Variants in AGAP1 observed in about 807,000 individuals in gnomAD.
AGAP1 encodes the protein ArfGAP with GTPase domain, ankyrin repeat and PH domain 1.
AGAP1 carries 29 observed loss-of-function variants against 105.3 expected under a neutral mutation model. The observed-to-expected ratio is 0.28, with a 90% confidence interval of 0.21 to 0.38. The LOEUF (loss-of-function observed/expected upper bound fraction) is 0.38, where lower values mean the gene tolerates loss of function less well. Among genes scored for constraint, AGAP1 ranks in the 10% least tolerant of loss-of-function variants. The pLI, the probability that AGAP1 is intolerant of heterozygous loss-of-function variation, is 1.00. For missense variants in AGAP1, 998 were observed against 1,165.1 expected, an observed-to-expected ratio of 0.86 and a Z score of 2.09; for synonymous variants, 509 against 485.9, an observed-to-expected ratio of 1.05 and a Z score of -0.63.
At chr2:235,562,185 CCT>C (rs1252423585) in intron 1 of AGAP1, among the ~76,000 whole-genome samples, 2 of 152,168 alleles carry the variant, frequency 1.3e-5, no homozygotes, top group African/African-American at 4.8e-5. Context: ...TTCCTTGATT[CCT>C]CTGTTACATT....
chr2:236,075,502 G>C (rs2058613203), intron 16 of AGAP1, among the ~76,000 whole-genome samples: 2 of 152,088 alleles, frequency 1.3e-5, no homozygotes, highest in Non-Finnish European at 2.9e-5. Flanking sequence ...TCTGGCCTTG[G>C]GTGAGGATCA....
At chr2:235,986,503 A>C (rs1427259088) in intron 13 of AGAP1, among the ~76,000 whole-genome samples, 1 of 152,124 alleles carries the variant, frequency 6.6e-6, no homozygotes, top group Non-Finnish European at 1.5e-5. Flanking sequence ...AAATTCCATT[A>C]CTATGTTGAA....
chr2:235,600,906 C>A lies in AGAP1; in HGVS notation c.163+106057C>A, dbSNP rs1350943358. ...CACTCAGTATTAACCAGCATACCCA[C>A]CATTGTTTCACCTGCAGCCTCCCCC... On this transcript the variant is annotated intron_variant, in intron 1 of 17. Transcript: ENST00000304032. This position sits in a 1 kb window ranked among gnomAD's most constrained non-coding sequence, Gnocchi z 4.8. Among the ~76,000 whole-genome samples, 1 of 152,220 alleles carries A rather than the reference C, an allele frequency of 6.6e-6. No homozygotes were observed. The highest frequency in any genetic ancestry group is 1.5e-5 in the Non-Finnish European group (1 of 68,046).
rs2054167069 is a variant in AGAP1 at position 235,961,133 on chromosome 2, A to G, written c.1484-7329A>G. Among the ~76,000 whole-genome samples the G allele has an allele frequency of 6.6e-6, 1 of 152,226 alleles. No individual in the cohort carries two copies. Among genetic ancestry groups the G allele is most frequent in the Admixed American group, 6.5e-5 (1 of 15,288 alleles). Reference sequence around the variant, plus strand: ...GCCTTCCTGAAGCTCGAGCGCTCATAGGGAAGATGTTCCGTAAACAAAGAA... The same window carrying G: ...GCCTTCCTGAAGCTCGAGCGCTCATGGGGAAGATGTTCCGTAAACAAAGAA... On this transcript the variant is annotated intron_variant, in intron 12 of 17. Transcript: ENST00000304032. This position sits in a 1 kb window ranked among gnomAD's most constrained non-coding sequence, Gnocchi z 5.9.
At chr2:235,708,302 C>G (rs561755597) in intron 1 of AGAP1, among the ~76,000 whole-genome samples, 1 of 152,160 alleles carries the variant, frequency 6.6e-6, no homozygotes, top group Non-Finnish European at 1.5e-5. Flanking sequence ...ATGTGTTGCC[C>G]GAGCTGCCAT....
chr2:235,696,919 G>A (rs1368978709), intron 1 of AGAP1, among the ~76,000 whole-genome samples: 1 of 152,098 alleles, frequency 6.6e-6, no homozygotes, highest in African/African-American at 2.4e-5. Context: ...GGGAGTCAGA[G>A]GTTGCAGTGA....
Position 235,882,542 on chromosome 2 carries a change from A to C in AGAP1, c.1051-803A>C, listed in dbSNP as rs994265734. 4 of 973,862 alleles carry C rather than the reference A, an allele frequency of 4.1e-6. No individual in the cohort carries two copies. In the African/African-American group the frequency reaches 6.5e-5, roughly 16 times the overall value. 60.3% of individuals were successfully genotyped at this position (973,862 alleles called of 1,614,324 possible). ...CCGTGGCGGGCTCTTAGCTCACTGC[A>C]ACACTCTGCCTCCTGGGTTCAAGCA... On this transcript the variant is annotated intron_variant, in intron 9 of 17. Coordinates refer to ENST00000304032, the MANE Select transcript of AGAP1 (RefSeq NM_001037131.3). This position sits in a 1 kb window ranked among gnomAD's most constrained non-coding sequence, Gnocchi z 4.6.
chr2:235,702,403 G>A (rs1268216325), intron 1 of AGAP1, among the ~76,000 whole-genome samples: 1 of 152,338 alleles, frequency 6.6e-6, no homozygotes, highest in East Asian at 1.9e-4. Flanking sequence ...CCGCTGGACA[G>A]GAGCTGCCTT....
intron 12 of AGAP1, among the ~76,000 whole-genome samples, chr2:235,939,785 C>A (rs1045186274): frequency 1.3e-5 from 2 of 152,176 alleles, no homozygotes; most frequent in African/African-American, 4.8e-5. Context: ...CAGGTTTTTC[C>A]TGCTGCTCTC....
rs1959225104 is a variant in AGAP1 at position 235,830,497 on chromosome 2, C to G, written c.1050+23166C>G. On this transcript the variant is annotated intron_variant, in intron 9 of 17. Transcript: ENST00000304032. The surrounding 1 kb of genome is among the most constrained non-coding windows in gnomAD (Gnocchi z 5.5). ...CATTAAACATCCCATCAGAAAGCCT[C>G]TGATAGAGGGTGCCCTCTCATCAGG... Among the ~76,000 whole-genome samples the G allele has an allele frequency of 1.3e-5, 2 of 152,156 alleles. No homozygotes were observed. The highest frequency in any genetic ancestry group is 6.5e-5 in the Admixed American group (1 of 15,282).
At position 235,981,567 on chromosome 2, in the gene AGAP1, A is replaced by G. The variant is rs772611905; in HGVS notation, c.1645+12944A>G. ...GATGCCTCTTTCAAAGAGGAAATCA[A>G]TCACGAAACAGAAACTCAGAGTTGA... is the stretch of plus-strand genomic sequence containing the variant. On this transcript the variant is annotated intron_variant, in intron 13 of 17. Coordinates refer to ENST00000304032, the MANE Select transcript of AGAP1 (RefSeq NM_001037131.3). The surrounding 1 kb of genome is among the most constrained non-coding windows in gnomAD (Gnocchi z 5.5). Among the ~76,000 whole-genome samples, 1 of 152,204 alleles carries G rather than the reference A, an allele frequency of 6.6e-6. No homozygotes were observed. Among genetic ancestry groups the G allele is most frequent in the African/African-American group, 2.4e-5 (1 of 41,454 alleles).
chr2:235,600,056 T>A lies in AGAP1; in HGVS notation c.163+105207T>A, dbSNP rs1945677334. 1.3e-5 allele frequency among the ~76,000 whole-genome samples: 2 copies of A among 152,182 alleles called. No individual in the cohort carries two copies. Among genetic ancestry groups the A allele is most frequent in the Non-Finnish European group, 2.9e-5 (2 of 68,028 alleles). Reference sequence around the variant, plus strand: ...TCAGGGTGTCAACTTCAGGGGAATATAAACAGCCTCCAGGGAGCCCCTCTC... The same window carrying A: ...TCAGGGTGTCAACTTCAGGGGAATAAAAACAGCCTCCAGGGAGCCCCTCTC... On this transcript the variant is annotated intron_variant, in intron 1 of 17. Transcript: ENST00000304032. This position sits in a 1 kb window ranked among gnomAD's most constrained non-coding sequence, Gnocchi z 4.8.
rs916276259 is a variant in AGAP1 at position 235,614,688 on chromosome 2, G to A, written c.164-94491G>A. ...TGGGGTGTGCCAGGCTCAGGGGCAG[G>A]GCCCTTTTTCCACACGCTTAGGGAA... On this transcript the variant is annotated intron_variant, in intron 1 of 17. Coordinates refer to ENST00000304032, the MANE Select transcript of AGAP1 (RefSeq NM_001037131.3). The surrounding 1 kb of genome is among the most constrained non-coding windows in gnomAD (Gnocchi z 4.7). Among the ~76,000 whole-genome samples the A allele has an allele frequency of 2.0e-5, 3 of 152,142 alleles. No individual in the cohort carries two copies. The highest frequency in any genetic ancestry group is 4.4e-5 in the Non-Finnish European group (3 of 68,032).
rs544963749 is a variant in AGAP1 at position 235,582,934 on chromosome 2, C to A, written c.163+88085C>A. ...AATCGGGAGGAAGCTTGTAAGGCTG[C>A]TTTCCACTCATTTTATGTTGTTGGG... On this transcript the variant is annotated intron_variant, in intron 1 of 17. Transcript: ENST00000304032. This position sits in a 1 kb window ranked among gnomAD's most constrained non-coding sequence, Gnocchi z 4.7. Among the ~76,000 whole-genome samples the A allele has an allele frequency of 2.6e-5, 4 of 152,358 alleles. No individual in the cohort carries two copies. The highest frequency in any genetic ancestry group is 2.6e-4 in the Admixed American group (4 of 15,306).
At position 235,936,270 on chromosome 2, in the gene AGAP1, C is replaced by T. The variant is rs2052983528; in HGVS notation, c.1483+5347C>T. Among the ~76,000 whole-genome samples the T allele has an allele frequency of 1.3e-5, 2 of 152,204 alleles. No individual in the cohort carries two copies. Among genetic ancestry groups the T allele is most frequent in the Admixed American group, 1.3e-4 (2 of 15,288 alleles). On this transcript the variant is annotated intron_variant, in intron 12 of 17. Transcript: ENST00000304032. This position sits in a 1 kb window ranked among gnomAD's most constrained non-coding sequence, Gnocchi z 4.7. ...CACCATCGAGCACAAACACCATGTC[C>T]ATCTTCCACATGGAAGGAGTGTATC...
intron 9 of AGAP1, among the ~76,000 whole-genome samples, chr2:235,847,163 G>A (rs1314856074): frequency 1.3e-5 from 2 of 152,316 alleles, no homozygotes; most frequent in African/African-American, 2.4e-5. Context: ...TTTAGGTTTC[G>A]AGAATGGGTG....
chr2:235,886,512 C>CT (rs901050233), intron 10 of AGAP1, among the ~76,000 whole-genome samples: 19 of 152,166 alleles, frequency 1.2e-4, no homozygotes, highest in African/African-American at 3.6e-4. Flanking sequence ...TATCCACAGG[C>CT]TTTTTTTTGT....
intron 1 of AGAP1, among the ~76,000 whole-genome samples, chr2:235,634,308 T>C (rs1575007244): frequency 6.6e-6 from 1 of 152,230 alleles, no homozygotes; most frequent in Non-Finnish European, 1.5e-5. Flanking sequence ...CATCGACACA[T>C]CCTTTGGAGT....
rs1274986612 is a variant in AGAP1 at position 235,566,253 on chromosome 2, G to A, written c.163+71404G>A. On this transcript the variant is annotated intron_variant, in intron 1 of 17. Coordinates refer to ENST00000304032, the MANE Select transcript of AGAP1 (RefSeq NM_001037131.3). This position sits in a 1 kb window ranked among gnomAD's most constrained non-coding sequence, Gnocchi z 5.2. ...ATTACAGGCATGCGCCACCACGCCTGGCTAATTTTGTATTTTTAGTACAGA... is the reference window on the plus strand; with the variant it reads ...ATTACAGGCATGCGCCACCACGCCTAGCTAATTTTGTATTTTTAGTACAGA... 6.6e-6 allele frequency among the ~76,000 whole-genome samples: 1 copy of A among 152,090 alleles called. No homozygotes were observed. The highest frequency in any genetic ancestry group is 1.5e-5 in the Non-Finnish European group (1 of 68,026).
Sources: gnomAD v4.1 joint callset for allele counts (sites outside exome capture counted in the v4.1 genomes callset) on GRCh38, gnomAD v4.1.1 for gene constraint, Gnocchi (gnomAD v3.1) non-coding constraint, MANE v1.5 for transcripts, NCBI Gene and HGNC (gene_info 2026-07-23, HGNC 2026-07-21) for gene names.